Variants in RAB7A observed in about 807,000 individuals in gnomAD.
The protein encoded by RAB7A is ras-related protein Rab-7a.
Under a neutral mutation model 24.5 loss-of-function variants are expected in RAB7A, and 2 were observed. The ratio of observed to expected loss-of-function variants is 0.08; its 90% CI spans 0.03 to 0.26. The LOEUF (loss-of-function observed/expected upper bound fraction) is 0.26, where lower values mean the gene tolerates loss of function less well. RAB7A is among the 10% of genes least tolerant of loss of function. The pLI is 1.00. For synonymous variants in RAB7A, 100 were observed against 95.9 expected (o/e 1.04, Z -0.25); for missense variants, 118 against 255.7 (o/e 0.46, Z 3.67).
chr3:128,799,123 A>G (rs1450912883), intron 3 of RAB7A: 1 of 154,632 alleles, frequency 6.5e-6, no homozygotes, highest in Non-Finnish European at 1.4e-5. Context: ...CTTCACACTT[A>G]GAACCAGACC....
intron 1 of RAB7A, among the ~76,000 whole-genome samples, chr3:128,777,510 G>A (rs1045492779): frequency 3.9e-5 from 6 of 152,112 alleles, no homozygotes; most frequent in African/African-American, 1.4e-4. Context: ...TATAATACTT[G>A]ATAATAAAAC....
intron 1 of RAB7A, among the ~76,000 whole-genome samples, chr3:128,726,828 G>A (rs1194261681): frequency 6.6e-6 from 1 of 152,220 alleles, no homozygotes; most frequent in Non-Finnish European, 1.5e-5. Context: ...TGAACAGCCT[G>A]ACCCTGTTAG....
chr3:128,807,046 T>G (rs1559797649), intron 4 of RAB7A, among the ~76,000 whole-genome samples: 2 of 152,248 alleles, frequency 1.3e-5, no homozygotes, highest in African/African-American at 4.8e-5. Flanking sequence ...TGACCACAGA[T>G]CTTTTCTTAA....
At chr3:128,804,162 T>C (rs1933755370) in intron 3 of RAB7A, among the ~76,000 whole-genome samples, 1 of 150,170 alleles carries the variant, frequency 6.7e-6, no homozygotes, top group Non-Finnish European at 1.5e-5. Flanking sequence ...CTTCAACTTA[T>C]AGTTACCTTT....
chr3:128,770,471 A>C (rs990808486), intron 1 of RAB7A, among the ~76,000 whole-genome samples: 1 of 152,338 alleles, frequency 6.6e-6, no homozygotes, highest in South Asian at 2.1e-4. Context: ...AAGATCTGAC[A>C]GTCTTTTGAA....
intron 1 of RAB7A, among the ~76,000 whole-genome samples, chr3:128,751,539 CA>C (rs2070681300): frequency 6.6e-6 from 1 of 152,206 alleles, no homozygotes. Flanking sequence ...CCATTCAGAA[CA>C]GCTGTATTTA....
At chr3:128,812,441 T>C (rs1326372883) in intron 5 of RAB7A, among the ~76,000 whole-genome samples, 1 of 152,214 alleles carries the variant, frequency 6.6e-6, no homozygotes, top group African/African-American at 2.4e-5. Context: ...TAAGTATGTA[T>C]TCCTAGATGT....
chr3:128,798,875 C>T, intron 3 of RAB7A: 1 of 273,484 alleles, frequency 3.7e-6, no homozygotes, highest in Non-Finnish European at 7.0e-6. Context: ...CCTGTATTTT[C>T]ATCTCTTTCT....
chr3:128,765,682 C>G (rs1306405923), intron 1 of RAB7A, among the ~76,000 whole-genome samples: 1 of 151,676 alleles, frequency 6.6e-6, no homozygotes, highest in Non-Finnish European at 1.5e-5. Flanking sequence ...CAGCCACTTT[C>G]CTAAGGGCCC....
chr3:128,748,282 T>C (rs2070639989), intron 1 of RAB7A, among the ~76,000 whole-genome samples: 1 of 152,118 alleles, frequency 6.6e-6, no homozygotes, highest in African/African-American at 2.4e-5. Flanking sequence ...TTAATATTGG[T>C]CTCATTTTCA....
In RAB7A at chr3:128,773,049, C is replaced by T. The variant is rs866440281; in HGVS notation, c.-8-22311C>T. On this transcript the variant is annotated intron_variant, in intron 1 of 5. Transcript: ENST00000265062. ...GTGAGGAGCGTCTCTGCCTGGCTGC[C>T]CATCGTCTGGGATGCGAGGAGCCCC... 7.9e-5 allele frequency among the ~76,000 whole-genome samples: 12 copies of T among 152,290 alleles called. No homozygotes were observed. The South Asian group carries it at 1.9e-3, about 24-fold the overall frequency.
At chr3:128,728,059 T>C (rs147655816) in intron 1 of RAB7A, among the ~76,000 whole-genome samples, 9 of 152,324 alleles carry the variant, frequency 5.9e-5, no homozygotes, top group Admixed American at 2.6e-4. Flanking sequence ...TAGGCACCTT[T>C]TTATTCATTC....
chr3:128,796,719 A>G (rs1474267474), intron 2 of RAB7A, among the ~76,000 whole-genome samples: 1 of 152,048 alleles, frequency 6.6e-6, no homozygotes, highest in Non-Finnish European at 1.5e-5. Flanking sequence ...ACTAAAGTGA[A>G]TGGTGCAATC....
chr3:128,768,877 A>G (rs978021883), intron 1 of RAB7A, among the ~76,000 whole-genome samples: 13 of 151,654 alleles, frequency 8.6e-5, no homozygotes, highest in Middle Eastern at 3.4e-3. Flanking sequence ...GTGCAGTTCA[A>G]ATATTCACAA....
At chr3:128,743,506 CCTGA>C (rs1416152347) in intron 1 of RAB7A, among the ~76,000 whole-genome samples, 11 of 152,184 alleles carry the variant, frequency 7.2e-5, no homozygotes, top group Non-Finnish European at 1.0e-4. Context: ...TACCACCATG[CCTGA>C]CTAATTTTTT....
chr3:128,772,245 A>G (rs1344247381), intron 1 of RAB7A, among the ~76,000 whole-genome samples: 2 of 152,222 alleles, frequency 1.3e-5, no homozygotes, highest in African/African-American at 4.8e-5. Flanking sequence ...AGTTCTACAC[A>G]ACTTAGAGTT....
chr3:128,784,625 C>T (rs1933297625), intron 1 of RAB7A, among the ~76,000 whole-genome samples: 1 of 152,110 alleles, frequency 6.6e-6, no homozygotes, highest in Non-Finnish European at 1.5e-5. Context: ...GGCCCAGGCA[C>T]CTCATTTTCA....
At chr3:128,774,189 A>G (rs1933025300) in intron 1 of RAB7A, among the ~76,000 whole-genome samples, 2 of 149,112 alleles carry the variant, frequency 1.3e-5, no homozygotes, top group African/African-American at 5.0e-5. Context: ...ATTAACTAAA[A>G]AAAAAAAAAA....
intron 3 of RAB7A, 99 bp downstream of exon 3, chr3:128,798,168 C>A: frequency 6.9e-7 from 1 of 1,451,498 alleles, no homozygotes; most frequent in Non-Finnish European, 9.6e-7. Flanking sequence ...TTCTTCAAAT[C>A]TTATTATCTT....
Sources: gnomAD v4.1 joint callset for allele counts (sites outside exome capture counted in the v4.1 genomes callset) on GRCh38, gnomAD v4.1.1 for gene constraint, MANE v1.5 for transcripts, NCBI Gene and HGNC (gene_info 2026-07-23, HGNC 2026-07-21) for gene names.